Variants in PTPN11 observed in about 807,000 individuals in gnomAD.
PTPN11 encodes the protein tyrosine-protein phosphatase non-receptor type 11.
PTPN11 carries 6 observed loss-of-function variants against 78.8 expected under a neutral mutation model. The ratio of observed to expected loss-of-function variants is 0.08; its 90% CI spans 0.04 to 0.15. The LOEUF is 0.15. Ranked by LOEUF, PTPN11 falls within the 10% of genes least tolerant of loss-of-function variation. The probability of loss-of-function intolerance (pLI) is 1.00; values close to 1 mark genes in which losing one functional copy is unlikely to be tolerated. For synonymous variants in PTPN11, 221 were observed against 263.5 expected, an observed-to-expected ratio of 0.84 and a Z score of 1.56; for missense variants, 386 against 744.8, an observed-to-expected ratio of 0.52 and a Z score of 5.61.
chr12:112,419,212 C>T (rs2037477175), intron 1 of PTPN11, 87 bp downstream of exon 1: 5 of 1,290,436 alleles, frequency 3.9e-6, no homozygotes, highest in Non-Finnish European at 5.0e-6. Flanking sequence ...GCGCCCCGGC[C>T]GGGCTTCGGG....
At chr12:112,505,403 A>G (rs1392751043) in intron 15 of PTPN11, among the ~76,000 whole-genome samples, 1 of 152,180 alleles carries the variant, frequency 6.6e-6, no homozygotes, top group Non-Finnish European at 1.5e-5. Context: ...ATGGTGGCTC[A>G]TACCTGTAAT....
intron 6 of PTPN11, among the ~76,000 whole-genome samples, chr12:112,459,172 C>T (rs1393755009): frequency 6.6e-6 from 1 of 152,226 alleles, no homozygotes; most frequent in African/African-American, 2.4e-5. Context: ...ACTTTCACTT[C>T]ATTTCACCTT....
chr12:112,467,321 A>G (rs1311456842), intron 6 of PTPN11, among the ~76,000 whole-genome samples: 1 of 152,114 alleles, frequency 6.6e-6, no homozygotes, highest in Non-Finnish European at 1.5e-5. Flanking sequence ...GGTAATTTAT[A>G]AAGACAAGAG....
chr12:112,436,395 A>G (rs538880550), intron 1 of PTPN11, among the ~76,000 whole-genome samples: 32 of 152,324 alleles, frequency 2.1e-4, no homozygotes, highest in African/African-American at 7.5e-4. Flanking sequence ...CACTATTATT[A>G]TCCACATTTT....
At chr12:112,499,371 C>T (rs753113693) in intron 13 of PTPN11, among the ~76,000 whole-genome samples, 11 of 151,786 alleles carry the variant, frequency 7.2e-5, no homozygotes, top group Middle Eastern at 3.4e-3. Flanking sequence ...AGTCTCACTC[C>T]ATCTCAAGTC....
intron 11 of PTPN11, 93 bp downstream of exon 11, chr12:112,486,722 C>G: frequency 6.4e-7 from 1 of 1,553,730 alleles, no homozygotes; most frequent in Non-Finnish European, 8.7e-7. Context: ...AGCTCTTTAA[C>G]TGTAGGAAGA....
chr12:112,424,010 C>T (rs922968728), intron 1 of PTPN11, among the ~76,000 whole-genome samples: 1 of 152,076 alleles, frequency 6.6e-6, no homozygotes, highest in African/African-American at 2.4e-5. Context: ...CCTCGGCCTT[C>T]CAAAGTACTA....
At chr12:112,475,809 A>G (rs1354761211) in intron 7 of PTPN11, among the ~76,000 whole-genome samples, 2 of 152,216 alleles carry the variant, frequency 1.3e-5, no homozygotes, top group African/African-American at 4.8e-5. Flanking sequence ...TGTATATCAT[A>G]TCTACATGGA....
chr12:112,476,224 G>C (rs529181837), intron 7 of PTPN11, among the ~76,000 whole-genome samples: 4 of 152,092 alleles, frequency 2.6e-5, no homozygotes, highest in Non-Finnish European at 4.4e-5. Flanking sequence ...ATAGAATATC[G>C]CTTTTTCCTC....
At chr12:112,486,445 C>A in intron 10 of PTPN11, 30 bp from the exon 11 acceptor site, 2 of 1,587,432 alleles carry the variant, frequency 1.3e-6, no homozygotes, top group African/African-American at 1.3e-5. Flanking sequence ...TTATTTAATT[C>A]TTTTCTGGTT....
chr12:112,432,895 G>T (rs1268457841), intron 1 of PTPN11, among the ~76,000 whole-genome samples: 1 of 150,748 alleles, frequency 6.6e-6, no homozygotes, highest in African/African-American at 2.4e-5. Context: ...GAGTCTTGCT[G>T]TGTCACCCAG....
intron 6 of PTPN11, among the ~76,000 whole-genome samples, chr12:112,462,759 T>C (rs2038267416): frequency 6.6e-6 from 1 of 152,164 alleles, no homozygotes; most frequent in South Asian, 2.1e-4. Context: ...CTAGAGATAG[T>C]CTTCATTCTT....
chr12:112,476,306 A>G (rs1424759334), intron 7 of PTPN11, among the ~76,000 whole-genome samples: 1 of 152,210 alleles, frequency 6.6e-6, no homozygotes, highest in Non-Finnish European at 1.5e-5. Context: ...GTCTGAAGCA[A>G]AAAAGACATT....
intron 1 of PTPN11, among the ~76,000 whole-genome samples, chr12:112,440,970 T>C (rs112146791): frequency 1.1e-3 from 147 of 139,190 alleles, no homozygotes; most frequent in Admixed American, 4.0e-3. Flanking sequence ...CTTTTCTTTT[T>C]TTTTTTTTTT....
chr12:112,428,301 A>G (rs963739905), intron 1 of PTPN11, among the ~76,000 whole-genome samples: 7 of 151,518 alleles, frequency 4.6e-5, no homozygotes, highest in Non-Finnish European at 2.9e-5. Flanking sequence ...ATGTACTTAC[A>G]TTGCAGGTTT....
intron 13 of PTPN11, among the ~76,000 whole-genome samples, chr12:112,491,987 G>A (rs530846745): frequency 3.9e-5 from 6 of 152,324 alleles, no homozygotes; most frequent in South Asian, 2.1e-4. Context: ...GATTACAGGC[G>A]TGAGTCACCA....
At chr12:112,480,461 G>T (rs1251628536) in intron 9 of PTPN11, among the ~76,000 whole-genome samples, 1 of 151,704 alleles carries the variant, frequency 6.6e-6, no homozygotes, top group Non-Finnish European at 1.5e-5. Flanking sequence ...CCGCCTCCCG[G>T]ATTCAAGCGA....
At chr12:112,420,476 A>G (rs534835334) in intron 1 of PTPN11, among the ~76,000 whole-genome samples, 1 of 152,010 alleles carries the variant, frequency 6.6e-6, no homozygotes, top group South Asian at 2.1e-4. Context: ...CTCCCAAGTA[A>G]CTAGGACTAC....
chr12:112,424,885 GTGTGTA>G lies in PTPN11; in HGVS notation c.14+5766_14+5771del, dbSNP rs748679887. On this transcript the variant is annotated intron_variant, in intron 1 of 15. Transcript: ENST00000351677. ...AGGCTAATTGTGTGTGTGTGTGTGT[GTGTGTA>G]TGTGTGTGTGTGTGTGTGTGTGTGT... is the stretch of plus-strand genomic sequence containing the variant. 0.015 allele frequency among the ~76,000 whole-genome samples: 2,065 copies of G among 137,666 alleles called. 379 individuals are homozygous for G. The East Asian group carries it at 0.36, about 24-fold the overall frequency. 90.3% of individuals were successfully genotyped at this position (137,666 alleles called of 152,430 possible). A position where few individuals can be genotyped will look rare whatever the true frequency, so the allele number is the denominator to read the frequency against.
Sources: gnomAD v4.1 joint callset for allele counts (sites outside exome capture counted in the v4.1 genomes callset) on GRCh38, gnomAD v4.1.1 for gene constraint, MANE v1.5 for transcripts, NCBI Gene and HGNC (gene_info 2026-07-23, HGNC 2026-07-21) for gene names.